MGA: variants seen among roughly 807,000 people sequenced by gnomAD.
MGA encodes the protein MAX dimerization protein MGA.
Under a neutral mutation model 261.1 loss-of-function variants are expected in MGA, and 40 were observed. The observed-to-expected ratio is 0.15, with a 90% CI of 0.12 to 0.20. The LOEUF is 0.20. MGA is among the 10% of genes least tolerant of loss of function. The pLI is 1.00. For missense variants in MGA, 3,397 were observed against 3,630.5 expected (o/e 0.94, Z 1.65); for synonymous variants, 1,302 against 1,290.6 (o/e 1.01, Z -0.19).
At chr15:41,756,043 G>A (rs898863525) in intron 18 of MGA, among the ~76,000 whole-genome samples, 33 of 152,142 alleles carry the variant, frequency 2.2e-4, no homozygotes, top group Non-Finnish European at 1.5e-4. Flanking sequence ...GATTTAATTA[G>A]ATTTGTTTAA....
chr15:41,724,481 A>G (rs2061120659), intron 9 of MGA, among the ~76,000 whole-genome samples: 3 of 152,222 alleles, frequency 2.0e-5, no homozygotes. Context: ...TTGAATGCAT[A>G]AATGAATATT....
At chr15:41,730,407 C>A (rs565238122) in intron 11 of MGA, among the ~76,000 whole-genome samples, 1 of 151,806 alleles carries the variant, frequency 6.6e-6, no homozygotes, top group Non-Finnish European at 1.5e-5. Flanking sequence ...CCATTGCACT[C>A]CAGCCTGGGC....
chr15:41,697,685 G>C (rs2059612402), intron 3 of MGA, among the ~76,000 whole-genome samples: 1 of 151,914 alleles, frequency 6.6e-6, no homozygotes, highest in Non-Finnish European at 1.5e-5. Flanking sequence ...CAAAGTGCTG[G>C]GATTACATGC....
Position 41,769,598 on chromosome 15 carries a change from G to A in MGA, c.*2318G>A, listed in dbSNP as rs1005419758. On this transcript the variant is annotated 3_prime_UTR_variant, in exon 24 of 24. Coordinates refer to ENST00000219905, the MANE Select transcript of MGA (RefSeq NM_001164273.2). ...CTCCTACCCTTTAACCTTACCCTAG[G>A]GGGAACTGATCTATGAATATTACAT... 2 of 152,574 alleles carry A rather than the reference G, an allele frequency of 1.3e-5. No individual in the cohort carries two copies. Among genetic ancestry groups the A allele is most frequent in the African/African-American group, 4.8e-5 (2 of 41,500 alleles). 9.5% of individuals were successfully genotyped at this position (152,574 alleles called of 1,614,324 possible).
intron 2 of MGA, among the ~76,000 whole-genome samples, chr15:41,692,309 C>T (rs2059331519): frequency 6.6e-6 from 1 of 152,218 alleles, no homozygotes; most frequent in African/African-American, 2.4e-5. Context: ...TGCGGCACTG[C>T]TGTTTGTTCT....
intron 2 of MGA, among the ~76,000 whole-genome samples, chr15:41,682,511 C>T (rs1045320175): frequency 7.9e-5 from 12 of 151,724 alleles, no homozygotes; most frequent in Admixed American, 3.9e-4. Flanking sequence ...GATGGAATCT[C>T]GCTCTGTCAC....
chr15:41,733,836 G>A (rs2061637703), intron 11 of MGA, among the ~76,000 whole-genome samples: 1 of 152,034 alleles, frequency 6.6e-6, no homozygotes, highest in Admixed American at 6.6e-5. Flanking sequence ...TCTGATCCTG[G>A]AGTAATTTTA....
Position 41,729,175 on chromosome 15 carries a change from G to A in MGA, c.3669G>A (p.Glu1223=). The A allele has an allele frequency of 6.2e-7, 1 of 1,613,586 alleles. No individual in the cohort carries two copies. Among genetic ancestry groups the A allele is most frequent in the Non-Finnish European group, 8.5e-7 (1 of 1,179,720 alleles). Residue 1223 remains glutamate, a synonymous_variant, in exon 11 of 24, where the codon GAG becomes GAA. Transcript: ENST00000219905. ...TATGAAATTTACAGATTCGGGAAGA[G>A]GACAAAGATCCAGTCTACTTGTACT...
intron 2 of MGA, among the ~76,000 whole-genome samples, chr15:41,679,614 C>A (rs2058562015): frequency 6.6e-6 from 1 of 151,880 alleles, no homozygotes; most frequent in South Asian, 2.1e-4. Context: ...TTTTGTATTG[C>A]ATATTGTTCA....
In MGA at chr15:41,754,398, A is replaced by C. The variant is rs1476302609; in HGVS notation, c.7009-39A>C. The C allele has an allele frequency of 4.0e-6, 6 of 1,490,908 alleles. No individual in the cohort carries two copies. In the African/African-American group the frequency reaches 8.5e-5, roughly 21 times the overall value. The allele number at this position is 1,490,908 out of a possible 1,614,324, so 92.4% of individuals were successfully genotyped here. On this transcript the variant is annotated intron_variant, in intron 17 of 23. Transcript: ENST00000219905. ...TTTGAAAAGTTTAGGTGTGCTTGCC[A>C]CTCAATACATTATTTACTTTTATAA... is the stretch of plus-strand genomic sequence containing the variant.
chr15:41,732,108 A>T (rs1268230765), intron 11 of MGA, among the ~76,000 whole-genome samples: 1 of 149,032 alleles, frequency 6.7e-6, no homozygotes, highest in Non-Finnish European at 1.5e-5. Flanking sequence ...GTCTTTATTT[A>T]TTTATTTTAA....
chr15:41,718,310 T>TATATATATATATAC (rs2060755901), intron 9 of MGA: 1 of 240,552 alleles, frequency 4.2e-6, no homozygotes, highest in Non-Finnish European at 7.9e-6. Context: ...TGTATATATA[T>TATATATATATATAC]ATATATATAT....
At chr15:41,752,163 G>A (rs1487439781) in intron 17 of MGA, 1 of 152,162 alleles carries the variant, frequency 6.6e-6, no homozygotes, top group Non-Finnish European at 1.5e-5. Flanking sequence ...CTCCTGAGTA[G>A]CTGAGATTAC....
chr15:41,698,524 C>T (rs891310866), intron 3 of MGA, among the ~76,000 whole-genome samples: 1 of 152,164 alleles, frequency 6.6e-6, no homozygotes, highest in African/African-American at 2.4e-5. Flanking sequence ...TGTTCTTTTC[C>T]TCCCTTCTTG....
intron 9 of MGA, among the ~76,000 whole-genome samples, chr15:41,722,486 G>C (rs557436342): frequency 2.0e-5 from 3 of 152,220 alleles, no homozygotes; most frequent in African/African-American, 7.2e-5. Context: ...ATTCAAAAAA[G>C]GAAAGCAAAG....
At chr15:41,643,779 T>C (rs76483276) in intron 1 of MGA, among the ~76,000 whole-genome samples, 15 of 150,668 alleles carry the variant, frequency 1.0e-4, no homozygotes, top group South Asian at 2.1e-4. Flanking sequence ...TTTTTTTTTT[T>C]CCCTGAGATG....
intron 1 of MGA, among the ~76,000 whole-genome samples, chr15:41,634,055 G>C (rs1275808721): frequency 1.3e-5 from 2 of 152,030 alleles, no homozygotes; most frequent in Non-Finnish European, 2.9e-5. Flanking sequence ...CCTCAATTCA[G>C]ATTTTGATTT....
intron 1 of MGA, among the ~76,000 whole-genome samples, chr15:41,668,542 C>G (rs1420638493): frequency 2.6e-5 from 4 of 151,952 alleles, no homozygotes; most frequent in Non-Finnish European, 5.9e-5. Flanking sequence ...TGAATATACT[C>G]TTTTGTTTCT....
At chr15:41,753,852 A>AT (rs1186425983) in intron 17 of MGA, among the ~76,000 whole-genome samples, 1 of 152,204 alleles carries the variant, frequency 6.6e-6, no homozygotes, top group Non-Finnish European at 1.5e-5. Flanking sequence ...TCCACTAGAA[A>AT]TAACACTGAA....
Sources: gnomAD v4.1 joint callset for allele counts (sites outside exome capture counted in the v4.1 genomes callset) on GRCh38, gnomAD v4.1.1 for gene constraint, MANE v1.5 for transcripts, NCBI Gene and HGNC (gene_info 2026-07-23, HGNC 2026-07-21) for gene names.